ZUP1: variants seen among roughly 807,000 people sequenced by gnomAD.
The protein encoded by ZUP1 is zinc finger containing ubiquitin peptidase 1.
In ZUP1, 55 loss-of-function variants were observed where a neutral mutation model predicts 68.1. That is an observed-to-expected ratio of 0.81 (90% CI 0.65 to 1.01). ZUP1 has a LOEUF of 1.01. Among genes scored for constraint, ZUP1 ranks in the 50% least tolerant of loss-of-function variants. The pLI, the probability that ZUP1 is intolerant of heterozygous loss-of-function variation, is 0.00. For synonymous variants in ZUP1, 223 were observed against 221.5 expected, an observed-to-expected ratio of 1.01 and a Z score of -0.06; for missense variants, 684 against 674.9, an observed-to-expected ratio of 1.01 and a Z score of -0.15.
intron 9 of ZUP1, among the ~76,000 whole-genome samples, chr6:116,643,633 A>C (rs1425252011): frequency 6.6e-6 from 1 of 152,236 alleles, no homozygotes; most frequent in Non-Finnish European, 1.5e-5. Flanking sequence ...CTGGCTGGCC[A>C]TATGTAGAAA....
chr6:116,657,173 C>G lies in ZUP1; in HGVS notation c.793-321G>C, dbSNP rs118047289. Among the ~76,000 whole-genome samples the G allele has an allele frequency of 7.7e-4, 118 of 152,260 alleles. 1 individual carries two copies. In the East Asian group the frequency reaches 0.021, roughly 27 times the overall value. On this transcript the variant is annotated intron_variant, in intron 4 of 9. Coordinates refer to ENST00000368576, the MANE Select transcript of ZUP1 (RefSeq NM_145062.3). ...ATGCAGAAGAGTTCTGAATGCATTG[C>G]TGATTTTTTCAAGGAAACTTGTCAG...
chr6:116,660,714 A>G, intron 3 of ZUP1, 22 bp downstream of exon 3: 1 of 1,353,152 alleles, frequency 7.4e-7, no homozygotes, highest in Non-Finnish European at 1.0e-6. Flanking sequence ...TGATATTTTT[A>G]TCTTCAAACA....
At chr6:116,665,692 A>C (rs889191125) in intron 2 of ZUP1, among the ~76,000 whole-genome samples, 7 of 142,022 alleles carry the variant, frequency 4.9e-5, no homozygotes, top group African/African-American at 1.9e-4. Flanking sequence ...TGATCCTCCT[A>C]TTTCAGCCTC....
intron 2 of ZUP1, among the ~76,000 whole-genome samples, chr6:116,665,305 T>C (rs180926916): frequency 1.3e-5 from 2 of 152,254 alleles, no homozygotes; most frequent in East Asian, 1.9e-4. Flanking sequence ...ACCTTTTACA[T>C]AGAGTAATTC....
At chr6:116,658,421 A>G (rs944495427) in intron 4 of ZUP1, among the ~76,000 whole-genome samples, 3 of 152,208 alleles carry the variant, frequency 2.0e-5, no homozygotes, top group Non-Finnish European at 2.9e-5. Context: ...CTATACAAAC[A>G]CTTAAATTCT....
chr6:116,666,828 T>G lies in ZUP1; in HGVS notation c.365A>C (p.Asn122Thr). 1 of 1,612,252 alleles carries G rather than the reference T, an allele frequency of 6.2e-7. No individual in the cohort carries two copies. Among genetic ancestry groups the G allele is most frequent in the Non-Finnish European group, 8.5e-7 (1 of 1,179,566 alleles). ...TLKHEGFYSE[N>T]LTESRKFLKS... ...CAGGAATTTTCTAGATTCAGTTAAG[T>G]TCTCTGAATAGAAGCCTTCATGTTT... Residue 122 changes from asparagine (N) to threonine (T), a missense_variant, in exon 2 of 10, where the codon AAC (asparagine) becomes ACC (threonine). Coordinates refer to ENST00000368576, the MANE Select transcript of ZUP1 (RefSeq NM_145062.3).
chr6:116,666,152 A>G (rs1777002290), intron 2 of ZUP1, among the ~76,000 whole-genome samples: 1 of 152,192 alleles, frequency 6.6e-6, no homozygotes, highest in Non-Finnish European at 1.5e-5. Flanking sequence ...TACATATAAC[A>G]TTCCACCCAA....
At chr6:116,647,672 T>C (rs1416410389) in intron 7 of ZUP1, 62 bp from the exon 8 acceptor site, 13 of 1,298,416 alleles carry the variant, frequency 1.0e-5, no homozygotes, top group Non-Finnish European at 1.3e-5. Context: ...ATCGATGGAG[T>C]TATCAAATAC....
chr6:116,645,598 AAAAG>A, intron 9 of ZUP1, 112 bp downstream of exon 9: 3 of 815,128 alleles, frequency 3.7e-6, no homozygotes, highest in South Asian at 4.1e-5. Flanking sequence ...AAAAAAAAAA[AAAAG>A]AAAAAGAATA....
intron 9 of ZUP1, among the ~76,000 whole-genome samples, chr6:116,637,795 G>A (rs972070022): frequency 2.0e-5 from 3 of 152,218 alleles, no homozygotes; most frequent in African/African-American, 7.2e-5. Flanking sequence ...GGGCACGGTG[G>A]CTCACGCCTG....
intron 6 of ZUP1, 29 bp from the exon 7 acceptor site, chr6:116,651,766 T>G: frequency 6.2e-7 from 1 of 1,610,202 alleles, no homozygotes; most frequent in Non-Finnish European, 8.5e-7. Context: ...ACATGTTACA[T>G]GACTGTTAAT....
chr6:116,656,327 G>T (rs919912608), intron 5 of ZUP1, among the ~76,000 whole-genome samples: 1 of 150,836 alleles, frequency 6.6e-6, no homozygotes, highest in Non-Finnish European at 1.5e-5. Context: ...CAGGTGATCC[G>T]CCTGTCTCAG....
intron 6 of ZUP1, 75 bp downstream of exon 6, chr6:116,651,929 A>T: frequency 6.7e-7 from 1 of 1,490,514 alleles, no homozygotes; most frequent in Non-Finnish European, 9.1e-7. Flanking sequence ...AAAGCTATTA[A>T]TTGTGTATGC....
chr6:116,658,328 G>C (rs6906079), intron 4 of ZUP1, among the ~76,000 whole-genome samples: 36,076 of 152,092 alleles, frequency 0.24, 4,326 homozygotes, highest in East Asian at 0.29. Context: ...TAAAATAGTT[G>C]TAAATGTTTG....
intron 9 of ZUP1, among the ~76,000 whole-genome samples, chr6:116,639,885 A>C (rs1350277820): frequency 6.6e-6 from 1 of 152,156 alleles, no homozygotes; most frequent in Non-Finnish European, 1.5e-5. Context: ...CGATCAAACT[A>C]CTCCGAGCTA....
intron 3 of ZUP1, chr6:116,660,122 T>G (rs34757788): frequency 0.043 from 6,501 of 152,340 alleles, 208 homozygotes; most frequent in Non-Finnish European, 0.069. Flanking sequence ...AATCTCATAT[T>G]TGGCTTAGGG....
chr6:116,666,452 C>T (rs1337768900), intron 2 of ZUP1, among the ~76,000 whole-genome samples, 182 bp downstream of exon 2: 1 of 152,172 alleles, frequency 6.6e-6, no homozygotes, highest in Non-Finnish European at 1.5e-5. Flanking sequence ...TTTATATCTG[C>T]ATTAAAATTC....
chr6:116,636,262 A>C (rs1282289008), intron 9 of ZUP1, among the ~76,000 whole-genome samples: 1 of 152,184 alleles, frequency 6.6e-6, no homozygotes, highest in East Asian at 1.9e-4. Flanking sequence ...TATAGTCTTA[A>C]AAACGTCACT....
chr6:116,652,080 C>G lies in ZUP1; in HGVS notation c.1074G>C (p.Trp358Cys), dbSNP rs1172119466. 5 of 1,613,842 alleles carry G rather than the reference C, an allele frequency of 3.1e-6. No homozygotes were observed. The highest frequency in any genetic ancestry group is 4.2e-6 in the Non-Finnish European group (5 of 1,179,872). ...TTTGGAAATTTCTGTAACCACAACC[C>G]CAACCTTTGTCGCCTAAAGATGAAT... ...HFHSSLGDKG[W>C]GCGYRNFQML... Residue 358 changes from tryptophan (W) to cysteine (C), a missense_variant, in exon 6 of 10, where the codon TGG becomes TGC. By Grantham distance (215) the Trp-to-Cys change is radical. Transcript: ENST00000368576.
Sources: gnomAD v4.1 joint callset for allele counts (sites outside exome capture counted in the v4.1 genomes callset) on GRCh38, gnomAD v4.1.1 for gene constraint, MANE v1.5 for transcripts, NCBI Gene and HGNC (gene_info 2026-07-23, HGNC 2026-07-21) for gene names.